Variants in RBPJ observed in about 807,000 individuals in gnomAD.
RBPJ encodes the protein recombination signal binding protein for immunoglobulin kappa J region.
In RBPJ, 9 loss-of-function variants were observed where a neutral mutation model predicts 67.8. The ratio of observed to expected loss-of-function variants is 0.13; its 90% CI spans 0.08 to 0.23. RBPJ has a LOEUF of 0.23. Ranked by LOEUF, RBPJ falls within the 10% of genes least tolerant of loss-of-function variation. The pLI is 1.00. For synonymous variants in RBPJ, 198 were observed against 203.3 expected (o/e 0.97, Z 0.22); for missense variants, 305 against 595.6 (o/e 0.51, Z 5.08).
the RBPJ span, among the ~76,000 whole-genome samples, chr4:26,126,062 G>T: frequency 6.6e-6 from 1 of 151,840 alleles, no homozygotes; most frequent in Non-Finnish European, 1.5e-5. Context: ...CTTAAGAATT[G>T]CTTTAAAAAA....
intron 1 of RBPJ, among the ~76,000 whole-genome samples, chr4:26,360,515 T>A (rs1320227203): frequency 6.6e-6 from 1 of 152,076 alleles, no homozygotes; most frequent in East Asian, 1.9e-4. Flanking sequence ...AGTTATACCC[T>A]TGGGACCTCA....
chr4:26,331,276 C>T (rs888851128), intron 1 of RBPJ, among the ~76,000 whole-genome samples: 6 of 152,054 alleles, frequency 3.9e-5, no homozygotes, highest in African/African-American at 1.2e-4. Context: ...TTTGTAGAGA[C>T]GGAGTTTTCC....
At chr4:26,423,810 G>T (rs1054512220) in intron 5 of RBPJ, among the ~76,000 whole-genome samples, 1 of 152,142 alleles carries the variant, frequency 6.6e-6, no homozygotes, top group African/African-American at 2.4e-5. Flanking sequence ...AGTATGCAGA[G>T]GCATTTACCA....
At chr4:26,279,404 C>T (rs747538201) in intron 1 of RBPJ, among the ~76,000 whole-genome samples, 17 of 152,210 alleles carry the variant, frequency 1.1e-4, no homozygotes, top group African/African-American at 4.1e-4. Flanking sequence ...TCTCAGCCCC[C>T]CGAGTAGTTG....
In RBPJ at chr4:26,191,151, CAAAAAAAAAAAAAAAAA is replaced by C. The variant is rs1186422694; in HGVS notation, c.-167+27551_-167+27567del. On this transcript the variant is annotated intron_variant, in intron 1 of 4. Coordinates refer to the RBPJ transcript ENST00000512351. ...TGGGCAACGGAATGAGACCCTGTCT[CAAAAAAAAAAAAAAAAA>C]AAAAAAAAAAAAATATATATATATA... 2.9e-4 allele frequency among the ~76,000 whole-genome samples: 3 copies of C among 10,518 alleles called. No individual in the cohort carries two copies. The East Asian group carries it at 0.019, about 67-fold the overall frequency. The allele number at this position is 10,518 out of a possible 152,430, so 6.9% of individuals were successfully genotyped here.
chr4:26,152,168 T>A, the RBPJ span, among the ~76,000 whole-genome samples: 2 of 152,204 alleles, frequency 1.3e-5, no homozygotes, highest in African/African-American at 4.8e-5. Flanking sequence ...AATACCCCAC[T>A]CTGGAGGAAT....
At chr4:26,371,733 T>C (rs1215760743) in intron 1 of RBPJ, among the ~76,000 whole-genome samples, 1 of 152,258 alleles carries the variant, frequency 6.6e-6, no homozygotes, top group African/African-American at 2.4e-5. Flanking sequence ...TCAACAGTTT[T>C]GGTTTGCTGA....
upstream of RBPJ, among the ~76,000 whole-genome samples, chr4:26,316,487 T>TCA (rs1722628328): frequency 8.7e-6 from 1 of 115,348 alleles, no homozygotes; most frequent in Non-Finnish European, 1.8e-5. Context: ...ATATACATAT[T>TCA]CATATATATA....
At chr4:26,245,886 T>C (rs1719913577) in intron 1 of RBPJ, among the ~76,000 whole-genome samples, 1 of 152,244 alleles carries the variant, frequency 6.6e-6, no homozygotes, top group Non-Finnish European at 1.5e-5. Flanking sequence ...ATATCTAGGC[T>C]TATTTCTGGA....
At chr4:26,407,437 G>T (rs1473271784) in intron 3 of RBPJ, among the ~76,000 whole-genome samples, 1 of 152,096 alleles carries the variant, frequency 6.6e-6, no homozygotes, top group African/African-American at 2.4e-5. Flanking sequence ...TTACAACAAG[G>T]TGATTTTTAA....
chr4:26,125,663 G>A, the RBPJ span, among the ~76,000 whole-genome samples: 1 of 152,086 alleles, frequency 6.6e-6, no homozygotes, highest in African/African-American at 2.4e-5. Context: ...GCTGAGTGTG[G>A]TGGTGCATGC....
intron 1 of RBPJ, among the ~76,000 whole-genome samples, chr4:26,362,224 T>C (rs1728138742): frequency 1.3e-5 from 2 of 152,220 alleles, no homozygotes; most frequent in South Asian, 4.1e-4. Context: ...GAAGAAACAA[T>C]TGGGGCAAAG....
chr4:26,183,060 AAGTAT>A (rs1717072707), intron 1 of RBPJ, among the ~76,000 whole-genome samples: 1 of 152,220 alleles, frequency 6.6e-6, no homozygotes. Flanking sequence ...TAACAATAAA[AAGTAT>A]AGTATAGTAA....
chr4:26,295,182 A>G (rs894734927), intron 1 of RBPJ, among the ~76,000 whole-genome samples: 3 of 152,032 alleles, frequency 2.0e-5, no homozygotes, highest in African/African-American at 7.3e-5. Context: ...TCCTCCAATG[A>G]GAATGACTTT....
chr4:26,375,610 T>C (rs188411744), intron 1 of RBPJ, among the ~76,000 whole-genome samples: 5 of 152,318 alleles, frequency 3.3e-5, no homozygotes, highest in Non-Finnish European at 7.3e-5. Flanking sequence ...CTTAAACAAT[T>C]TGAAGTGAGG....
the RBPJ span, among the ~76,000 whole-genome samples, chr4:26,124,430 A>ATATATATG: frequency 1.3e-5 from 1 of 78,110 alleles, no homozygotes; most frequent in East Asian, 3.1e-4. Context: ...ATATATATAT[A>ATATATATG]TATATATATA....
chr4:26,397,882 G>T (rs564618847), intron 2 of RBPJ, among the ~76,000 whole-genome samples: 53 of 152,082 alleles, frequency 3.5e-4, no homozygotes, highest in African/African-American at 1.3e-3. Flanking sequence ...ATCCGCCTGC[G>T]TCGGCCTCCC....
rs1453942243 is a variant in RBPJ at position 26,431,144 on chromosome 4, G to T, written c.*137G>T. 5 of 329,038 alleles carry T rather than the reference G, an allele frequency of 1.5e-5. No homozygotes were observed. The highest frequency in any genetic ancestry group is 2.7e-5 in the Non-Finnish European group (5 of 185,048). The allele number at this position is 329,038 out of a possible 1,614,324, so 20.4% of individuals were successfully genotyped here. A position where few individuals can be genotyped will look rare whatever the true frequency, so the allele number is the denominator to read the frequency against. On this transcript the variant is annotated 3_prime_UTR_variant, in exon 11 of 11. Transcript: ENST00000355476. The stretch of plus-strand genomic sequence containing the variant: ...GGTGATACTATTCAAAAACCCCGTT[G>T]TCTCCCTGCAAGTGCTGATTTGAAA...
intron 1 of RBPJ, among the ~76,000 whole-genome samples, chr4:26,178,191 T>C (rs187449063): frequency 1.3e-5 from 2 of 152,300 alleles, no homozygotes; most frequent in African/African-American, 4.8e-5. Flanking sequence ...CCCAAAGATA[T>C]ATCTTAGGTT....
Sources: gnomAD v4.1 joint callset for allele counts (sites outside exome capture counted in the v4.1 genomes callset) on GRCh38, gnomAD v4.1.1 for gene constraint, MANE v1.5 for transcripts, NCBI Gene and HGNC (gene_info 2026-07-23, HGNC 2026-07-21) for gene names.